The following SYNE2 variants were observed in gnomAD, a reference collection of about 807,000 sequenced individuals.
SYNE2 encodes nesprin-2.
Under a neutral mutation model 856.3 loss-of-function variants are expected in SYNE2, and 431 were observed. The observed-to-expected ratio is 0.50, with a 90% CI of 0.47 to 0.55. SYNE2 has a LOEUF of 0.55. Among genes scored for constraint, SYNE2 ranks in the 20% least tolerant of loss-of-function variants. SYNE2 has a pLI of 0.00. For synonymous variants in SYNE2, 2,923 were observed against 2,872.3 expected, an observed-to-expected ratio of 1.02 and a Z score of -0.56; for missense variants, 8,129 against 8,023.2, an observed-to-expected ratio of 1.01 and a Z score of -0.50.
At chr14:63,778,605 C>T (rs893132806) in intron 1 of SYNE2, among the ~76,000 whole-genome samples, 1 of 152,092 alleles carries the variant, frequency 6.6e-6, no homozygotes, top group African/African-American at 2.4e-5. Context: ...GCTTCAACCT[C>T]CTGGGTTTAA....
intron 76 of SYNE2, among the ~76,000 whole-genome samples, chr14:64,130,608 T>C (rs907074180): frequency 5.3e-5 from 8 of 152,088 alleles, no homozygotes; most frequent in African/African-American, 1.9e-4. Flanking sequence ...TTCCTGGCCA[T>C]GCGCAGTGGC....
At chr14:63,782,685 C>T (rs1396016218) in intron 1 of SYNE2, among the ~76,000 whole-genome samples, 2 of 151,758 alleles carry the variant, frequency 1.3e-5, no homozygotes, top group Admixed American at 1.3e-4. Context: ...AAAACTTTTA[C>T]TTGTAAGAGA....
chr14:63,858,707 T>C (rs1304717731), intron 1 of SYNE2, among the ~76,000 whole-genome samples: 1 of 152,130 alleles, frequency 6.6e-6, no homozygotes, highest in African/African-American at 2.4e-5. Flanking sequence ...ATTGTAACAG[T>C]ATTGCCTCTT....
intron 60 of SYNE2, among the ~76,000 whole-genome samples, chr14:64,091,970 A>G (rs557645129): frequency 3.9e-5 from 6 of 152,204 alleles, no homozygotes; most frequent in Non-Finnish European, 7.4e-5. Flanking sequence ...CTAAGGTTTG[A>G]GGAGACTGTA....
chr14:63,821,506 C>T (rs910181201), intron 1 of SYNE2, among the ~76,000 whole-genome samples: 4 of 151,678 alleles, frequency 2.6e-5, no homozygotes, highest in African/African-American at 9.7e-5. Context: ...GTAATCCCAG[C>T]GCTTTAGGAG....
chr14:63,875,395 C>T (rs1455803542), intron 1 of SYNE2, among the ~76,000 whole-genome samples: 1 of 152,094 alleles, frequency 6.6e-6, no homozygotes, highest in Non-Finnish European at 1.5e-5. Context: ...AAGGTGATTC[C>T]CAAAACCCTT....
At chr14:64,116,168 CA>C (rs997708524) in intron 66 of SYNE2, among the ~76,000 whole-genome samples, 3 of 34,836 alleles carry the variant, frequency 8.6e-5, no homozygotes, top group Non-Finnish European at 1.6e-4. Flanking sequence ...AAGACACTGT[CA>C]AAAAAAAGAA....
In SYNE2 at chr14:64,080,696, A is replaced by G. The variant is rs1595380965; in HGVS notation, c.11346+58A>G. On this transcript the variant is annotated intron_variant, in intron 56 of 115. Transcript: ENST00000555002. ...TGTGGTGGTATTGAGATGGTGTTAAAGCAAAACAATATATTCAGAAACAGT... is the reference window on the plus strand; with the variant it reads ...TGTGGTGGTATTGAGATGGTGTTAAGGCAAAACAATATATTCAGAAACAGT... 11 of 1,589,164 alleles carry G rather than the reference A, an allele frequency of 6.9e-6. No homozygotes were observed. In the East Asian group the frequency reaches 2.5e-4, roughly 36 times the overall value.
chr14:63,963,791 G>A (rs2096353458), intron 9 of SYNE2, 108 bp from the exon 10 acceptor site: 2 of 726,106 alleles, frequency 2.8e-6, no homozygotes, highest in Non-Finnish European at 5.0e-6. Flanking sequence ...TGAATCATTG[G>A]TGTGTAATGA....
intron 58 of SYNE2, among the ~76,000 whole-genome samples, chr14:64,089,079 T>G (rs547786015): frequency 6.6e-6 from 1 of 152,076 alleles, no homozygotes; most frequent in South Asian, 2.1e-4. Flanking sequence ...GTTTTGTTGG[T>G]CCCTGGCCAG....
At position 64,077,024 on chromosome 14, in the gene SYNE2, A is replaced by G. The variant is rs369985564; in HGVS notation, c.11022+924A>G. 6.1e-4 allele frequency among the ~76,000 whole-genome samples: 93 copies of G among 152,288 alleles called. 1 individual carries two copies. The South Asian group carries it at 7.0e-3, about 12-fold the overall frequency. ...AATACTAAATATTTTGAGAGAAACT[A>G]AATGTTATGCTCATGAATACTTATG... is the stretch of plus-strand genomic sequence containing the variant. On this transcript the variant is annotated intron_variant, in intron 54 of 115. Coordinates refer to ENST00000555002, the MANE Select transcript of SYNE2 (RefSeq NM_182914.3).
intron 11 of SYNE2, among the ~76,000 whole-genome samples, chr14:63,971,120 G>GTT (rs61322567): frequency 0.3 from 42,147 of 140,576 alleles, 6,357 homozygotes; most frequent in Middle Eastern, 0.36. Context: ...AGGTTTTTTG[G>GTT]TTTTTTTTTT....
intron 84 of SYNE2, 30 bp from the exon 85 acceptor site, chr14:64,152,534 A>G (rs1383225194): frequency 1.2e-6 from 2 of 1,612,866 alleles, no homozygotes; most frequent in South Asian, 1.1e-5. Context: ...AATATTGTGC[A>G]TTGAAAACCT....
chr14:64,202,200 C>G, intron 99 of SYNE2: 1 of 702,296 alleles, frequency 1.4e-6, no homozygotes, highest in Non-Finnish European at 2.6e-6. Flanking sequence ...GACAGAGATG[C>G]CCCATAATCT....
chr14:63,809,998 G>A (rs1296967212), intron 1 of SYNE2, among the ~76,000 whole-genome samples: 1 of 152,144 alleles, frequency 6.6e-6, no homozygotes, highest in African/African-American at 2.4e-5. Context: ...CAAGGCAGGA[G>A]GATATCTTAA....
At chr14:63,793,700 G>A (rs896229040) in intron 1 of SYNE2, among the ~76,000 whole-genome samples, 5 of 152,076 alleles carry the variant, frequency 3.3e-5, no homozygotes, top group African/African-American at 9.7e-5. Context: ...GCTTCCGGAG[G>A]CCAGAGCATG....
chr14:63,994,748 C>T (rs1199624440), intron 22 of SYNE2, among the ~76,000 whole-genome samples: 1 of 152,172 alleles, frequency 6.6e-6, no homozygotes, highest in Non-Finnish European at 1.5e-5. Context: ...ACTTATGTCT[C>T]CTTGGGCTCA....
rs765044515 is a variant in SYNE2, at chr14:64,128,465, G to C, written c.13931G>C (p.Arg4644Thr). 2 of 1,554,478 alleles carry C rather than the reference G, an allele frequency of 1.3e-6. No homozygotes were observed. The highest frequency in any genetic ancestry group is 1.4e-5 in the African/African-American group (1 of 73,670). Residue 4644 changes from arginine to threonine, a missense_variant, in exon 74 of 116, where the codon AGA becomes ACA. Arg to Thr is a moderately conservative substitution (Grantham distance 71). Around this residue, in one of 3 missense-constraint regions of SYNE2, gnomAD observed 5,410 missense variants for 5,284.8 expected, o/e 1.02. Coordinates refer to ENST00000555002, the MANE Select transcript of SYNE2 (RefSeq NM_182914.3). ...YNRSYQNEIK[R>T]LYHQLIKSKT... is the part of the protein sequence containing the mutation. ...TTTATCTTACAGAATGAAATAAAGA[G>C]ATTATATCATCAGCTCATTAAGAGT... is the stretch of plus-strand genomic sequence containing the variant.
intron 1 of SYNE2, among the ~76,000 whole-genome samples, chr14:63,836,243 C>T (rs945797739): frequency 1.6e-4 from 25 of 152,052 alleles, no homozygotes; most frequent in African/African-American, 5.6e-4. Flanking sequence ...ATTCTGGTCT[C>T]GAACTCCTGG....
Sources: allele counts gnomAD v4.1 joint callset (sites outside exome capture counted in the v4.1 genomes callset), GRCh38; gene constraint gnomAD v4.1.1; regional missense constraint gnomAD v4.1.1; transcripts MANE v1.5; gene names NCBI Gene and HGNC (gene_info 2026-07-23, HGNC 2026-07-21).